The following INSL6 variants were observed in gnomAD, a reference collection of about 807,000 sequenced individuals.
INSL6 encodes the protein insulin-like peptide INSL6.
A neutral mutation model predicts 9.4 loss-of-function variants in INSL6; 16 were observed. The ratio of observed to expected loss-of-function variants is 1.70; its 90% confidence interval spans 1.15 to 2.59. The LOEUF (loss-of-function observed/expected upper bound fraction) is 2.59. INSL6 is among the 30% of genes most tolerant of loss of function. The pLI, the probability that INSL6 is intolerant of heterozygous loss-of-function variation, is 0.00. For missense variants in INSL6, 391 were observed against 257.3 expected (o/e 1.52, Z -3.56); for synonymous variants, 154 against 96.9 (o/e 1.59, Z -3.46).
chr9:5,003,076 G>C, the INSL6 span, among the ~76,000 whole-genome samples: 1 of 151,888 alleles, frequency 6.6e-6, no homozygotes, highest in Non-Finnish European at 1.5e-5. Flanking sequence ...ACTCTATTCT[G>C]TTCCATTTGT....
rs147679977 is a variant in INSL6, at chr9:5,147,269, C to G, written c.377-13677G>C. Among the ~76,000 whole-genome samples the G allele has an allele frequency of 3.6e-3, 544 of 152,280 alleles. 5 individuals are homozygous for G. Among genetic ancestry groups the G allele is most frequent in the African/African-American group, 0.012 (518 of 41,554 alleles). ...AACCAGGGGGTTCCCTGTTTGATGACAAGCAGTGGGGGATATGTGGGGCCC... is the reference window on the plus strand; with the variant it reads ...AACCAGGGGGTTCCCTGTTTGATGAGAAGCAGTGGGGGATATGTGGGGCCC... On this transcript the variant is annotated intron_variant, in intron 2 of 3. Transcript: ENST00000649639.
At chr9:5,068,145 C>T in the INSL6 span, among the ~76,000 whole-genome samples, 5 of 132,006 alleles carry the variant, frequency 3.8e-5, no homozygotes, top group African/African-American at 1.8e-4. Flanking sequence ...GGCGACAGAG[C>T]GAGACACGGT....
chr9:5,131,071 T>G (rs183626661), intron 3 of INSL6, among the ~76,000 whole-genome samples: 7 of 152,220 alleles, frequency 4.6e-5, no homozygotes, highest in African/African-American at 1.7e-4. Flanking sequence ...AGATTGTGAG[T>G]TGGAATTTAT....
At chr9:5,074,401 A>T in the INSL6 span, among the ~76,000 whole-genome samples, 1 of 152,280 alleles carries the variant, frequency 6.6e-6, no homozygotes, top group Middle Eastern at 3.4e-3. Context: ...ACATTTTCCC[A>T]ACAGCATGTG....
At chr9:5,017,948 T>C in the INSL6 span, among the ~76,000 whole-genome samples, 1 of 152,252 alleles carries the variant, frequency 6.6e-6, no homozygotes, top group African/African-American at 2.4e-5. Flanking sequence ...TTGCATGGAA[T>C]ATCTTTTTCT....
the INSL6 span, chr9:5,066,628 A>T: frequency 9.9e-7 from 1 of 1,012,990 alleles, no homozygotes; most frequent in East Asian, 2.4e-5. Flanking sequence ...CTTGGTCATA[A>T]TATTATGGTG....
chr9:5,122,768 C>A (rs989325695), downstream of INSL6, among the ~76,000 whole-genome samples: 8 of 151,998 alleles, frequency 5.3e-5, no homozygotes, highest in African/African-American at 1.9e-4. Context: ...ATTGTTTGTA[C>A]AAACAATCTA....
chr9:5,000,732 G>C, the INSL6 span, among the ~76,000 whole-genome samples: 2 of 152,206 alleles, frequency 1.3e-5, no homozygotes, highest in Admixed American at 6.5e-5. Flanking sequence ...TAATTAGTTT[G>C]TGGAGCTCTT....
chr9:5,089,832 T>C, the INSL6 span: 28 of 1,584,100 alleles, frequency 1.8e-5, no homozygotes, highest in South Asian at 3.0e-4. Context: ...ATGACAACAT[T>C]GTAAAGTACA....
intron 1 of INSL6, among the ~76,000 whole-genome samples, chr9:5,166,603 T>C (rs1383324964): frequency 6.6e-6 from 1 of 152,104 alleles, no homozygotes; most frequent in East Asian, 1.9e-4. Context: ...CAAGATGCCT[T>C]AACTGGTACA....
At chr9:5,111,152 T>G in the INSL6 span, 1,062 of 876,934 alleles carry the variant, frequency 1.2e-3, 20 homozygotes, top group African/African-American at 0.015. Context: ...GGCGCTCAAC[T>G]TGCTGAGTCG....
the INSL6 span, among the ~76,000 whole-genome samples, chr9:5,006,864 C>A: frequency 6.6e-6 from 1 of 152,110 alleles, no homozygotes; most frequent in African/African-American, 2.4e-5. Flanking sequence ...TATATTTCTT[C>A]TTGTGCTAGT....
At chr9:5,023,979 G>A in the INSL6 span, among the ~76,000 whole-genome samples, 1 of 151,932 alleles carries the variant, frequency 6.6e-6, no homozygotes, top group African/African-American at 2.4e-5. Context: ...AGCTTGGGCC[G>A]GGCACGGTGG....
intron 3 of INSL6, among the ~76,000 whole-genome samples, chr9:5,129,669 G>A (rs192050485): frequency 5.8e-4 from 89 of 152,162 alleles, no homozygotes; most frequent in African/African-American, 2.1e-3. Flanking sequence ...GAAATACTGT[G>A]TGTTTACTCT....
chr9:5,130,829 T>C lies in INSL6; in HGVS notation c.*10+2596A>G, dbSNP rs201860453. On this transcript the variant is annotated intron_variant, in intron 3 of 3. Coordinates refer to the INSL6 transcript ENST00000649639. ...CTGCAAGCTCCGCCTCCCGGGTTCA[T>C]GCCATTCTCCTGCCTCAGCCTCCCG... Among the ~76,000 whole-genome samples, 191 of 151,356 alleles carry C rather than the reference T, an allele frequency of 1.3e-3. 1 individual carries two copies. Among genetic ancestry groups the C allele is most frequent in the African/African-American group, 2.3e-3 (95 of 41,198 alleles).
the INSL6 span, among the ~76,000 whole-genome samples, chr9:5,008,091 C>A: frequency 6.6e-6 from 1 of 152,230 alleles, no homozygotes; most frequent in African/African-American, 2.4e-5. Flanking sequence ...AATGGTGAAG[C>A]TGAGTTTCAC....
chr9:5,118,127 C>G, the INSL6 span, among the ~76,000 whole-genome samples: 1 of 152,198 alleles, frequency 6.6e-6, no homozygotes, highest in Non-Finnish European at 1.5e-5. Context: ...CGCCACTGCA[C>G]TCCAGCCTGG....
At chr9:5,125,412 A>G (rs1028236552) in intron 3 of INSL6, among the ~76,000 whole-genome samples, 3 of 151,490 alleles carry the variant, frequency 2.0e-5, no homozygotes, top group Admixed American at 6.6e-5. Flanking sequence ...ATAAGGCTAT[A>G]TATGTCTGAA....
the INSL6 span, among the ~76,000 whole-genome samples, chr9:5,039,586 A>G: frequency 6.6e-6 from 1 of 152,134 alleles, no homozygotes; most frequent in Non-Finnish European, 1.5e-5. Context: ...CATATTAAAA[A>G]TCCTAAGGAA....
Sources: allele counts gnomAD v4.1 joint callset (sites outside exome capture counted in the v4.1 genomes callset), GRCh38; gene constraint gnomAD v4.1.1; transcripts MANE v1.5; gene names NCBI Gene and HGNC (gene_info 2026-07-23, HGNC 2026-07-21).